Variants in SEC31A observed in about 807,000 individuals in gnomAD.
SEC31A encodes the protein SEC31 homolog A, COPII component, also known as protein transport protein Sec31A.
In SEC31A, 70 loss-of-function variants were observed where a neutral mutation model predicts 151.0. The ratio of observed to expected loss-of-function variants is 0.46; its 90% confidence interval spans 0.38 to 0.57. The LOEUF (loss-of-function observed/expected upper bound fraction) is 0.57. Ranked by LOEUF, SEC31A falls within the 20% of genes least tolerant of loss-of-function variation. The pLI, the probability that SEC31A is intolerant of heterozygous loss-of-function variation, is 0.00. For synonymous variants in SEC31A, 475 were observed against 505.9 expected, an observed-to-expected ratio of 0.94 and a Z score of 0.82; for missense variants, 1,330 against 1,471.2, an observed-to-expected ratio of 0.90 and a Z score of 1.57.
rs1035022089 is a variant in SEC31A at position 82,881,787 on chromosome 4, A to C, written c.79+71T>G. The C allele has an allele frequency of 5.0e-6, 6 of 1,194,252 alleles. No individual in the cohort carries two copies. The Middle Eastern group carries it at 5.8e-4, about 116-fold the overall frequency. 74.0% of individuals were successfully genotyped at this position (1,194,252 alleles called of 1,614,324 possible). On this transcript the variant is annotated intron_variant, in intron 2 of 26. Coordinates refer to ENST00000395310, the MANE Select transcript of SEC31A (RefSeq NM_001077207.4). The stretch of plus-strand genomic sequence containing the variant: ...AGGCTTTCTAGAGAAGATAAAGCTT[A>C]AACTGAATAAGCTAGGTGCAGAAGA...
chr4:82,875,593 A>T, intron 5 of SEC31A, 134 bp downstream of exon 5: 1 of 621,134 alleles, frequency 1.6e-6, no homozygotes, highest in South Asian at 2.0e-5. Flanking sequence ...TACTGAAGAA[A>T]AATCAGTAAT....
chr4:82,883,579 C>T (rs1018176787), intron 1 of SEC31A, among the ~76,000 whole-genome samples: 2 of 152,118 alleles, frequency 1.3e-5, no homozygotes, highest in Non-Finnish European at 2.9e-5. Context: ...CCTGTAAGCC[C>T]AGCACTTTAG....
In SEC31A at chr4:82,898,319, A is replaced by G. The variant is rs1412408446; in HGVS notation, c.-2+1394T>C. ...CACAACAACAAAAAAAGTATAGATA[A>G]GTTATAAACAAATGTAAAGATACAA... On this transcript the variant is annotated intron_variant, in intron 3 of 28. Coordinates refer to the SEC31A transcript ENST00000355196. Among the ~76,000 whole-genome samples, 4 of 152,388 alleles carry G rather than the reference A, an allele frequency of 2.6e-5. No homozygotes were observed. In the East Asian group the frequency reaches 7.7e-4, roughly 29 times the overall value.
chr4:82,860,084 G>A (rs1191061332), intron 14 of SEC31A, among the ~76,000 whole-genome samples: 4 of 151,926 alleles, frequency 2.6e-5, no homozygotes, highest in Admixed American at 6.6e-5. Flanking sequence ...GAGCCACTGC[G>A]CCTGGCCACT....
chr4:82,854,136 G>A (rs1578239589), intron 17 of SEC31A, among the ~76,000 whole-genome samples: 1 of 152,282 alleles, frequency 6.6e-6, no homozygotes, highest in African/African-American at 2.4e-5. Context: ...GGCTGAGACG[G>A]GCAGATCAGC....
intron 1 of SEC31A, among the ~76,000 whole-genome samples, chr4:82,888,291 G>C (rs1181981937): frequency 7.5e-6 from 1 of 134,104 alleles, no homozygotes; most frequent in Non-Finnish European, 1.5e-5. Context: ...CAGAAGAATC[G>C]CTTGAACCCG....
intron 20 of SEC31A, among the ~76,000 whole-genome samples, chr4:82,845,580 G>C (rs920039416): frequency 1.3e-5 from 2 of 151,800 alleles, no homozygotes; most frequent in East Asian, 3.9e-4. Flanking sequence ...TGCCATTCAA[G>C]TGTCAATTAT....
At chr4:82,856,828 G>T in intron 16 of SEC31A, 124 bp downstream of exon 16, 1 of 793,458 alleles carries the variant, frequency 1.3e-6, no homozygotes, top group Non-Finnish European at 1.9e-6. Context: ...CCAGGTCAAG[G>T]AATTATGAAT....
chr4:82,824,555 A>G lies in SEC31A; in HGVS notation c.3411T>C (p.Pro1137=), dbSNP rs1560579928. The change falls in exon 25 of 27, where the codon CCT becomes CCC. Residue 1137 remains proline (P), a splice_region_variant and synonymous_variant. Transcript: ENST00000395310. The part of the protein sequence containing the change: ...IQRCLSSATD[P]QTKRKLDDAS... ...ATGATTTAAAAAAATAAATACATACAGGGTCTGTTGCTGAAGAAAGGCAGC... is the reference window on the plus strand; with the variant it reads ...ATGATTTAAAAAAATAAATACATACGGGGTCTGTTGCTGAAGAAAGGCAGC... 1 of 1,611,876 alleles carries G rather than the reference A, an allele frequency of 6.2e-7. No homozygotes were observed. Among genetic ancestry groups the G allele is most frequent in the Non-Finnish European group, 8.5e-7 (1 of 1,179,428 alleles).
At position 82,864,561 on chromosome 4, in the gene SEC31A, A is replaced by G; in HGVS notation, c.1235T>C (p.Met412Thr). ...CTGCTCAGCTCCCTGATGAGAAGGCATTCTGACATTCTCAAACGTAACCAG... is the reference window on the plus strand; with the variant it reads ...CTGCTCAGCTCCCTGATGAGAAGGCGTTCTGACATTCTCAAACGTAACCAG... The part of the protein sequence containing the change: ...GKLVTFENVR[M>T]PSHQGAEQQQ... The change falls in exon 11 of 27, where the codon ATG becomes ACG. Residue 412 changes from methionine to threonine, a missense_variant. Physicochemically the swap from Met to Thr is moderately conservative, Grantham distance 81 (BLOSUM62 -1). Coordinates refer to ENST00000395310, the MANE Select transcript of SEC31A (RefSeq NM_001077207.4). The G allele has an allele frequency of 6.2e-7, 1 of 1,614,092 alleles. No individual in the cohort carries two copies. Among genetic ancestry groups the G allele is most frequent in the Non-Finnish European group, 8.5e-7 (1 of 1,180,010 alleles).
At chr4:82,894,330 A>G (rs553086170), upstream of SEC31A, 55 of 152,152 alleles carry the variant, frequency 3.6e-4, no homozygotes, top group African/African-American at 1.3e-3. Context: ...TCCTGTTACA[A>G]TTTTTCAATG....
intron 10 of SEC31A, among the ~76,000 whole-genome samples, chr4:82,865,944 A>C (rs2149531972): frequency 6.6e-6 from 1 of 152,156 alleles, no homozygotes; most frequent in African/African-American, 2.4e-5. Context: ...TAAGATAGTA[A>C]ATTTTATATT....
intron 1 of SEC31A, 134 bp downstream of exon 1, chr4:82,890,954 C>T: frequency 6.9e-7 from 1 of 1,445,600 alleles, no homozygotes; most frequent in Non-Finnish European, 9.1e-7. Context: ...ACTAGGGGCG[C>T]GCCGTCACCA....
chr4:82,828,962 C>T, intron 23 of SEC31A, 38 bp downstream of exon 23: 5 of 1,556,550 alleles, frequency 3.2e-6, no homozygotes, highest in Non-Finnish European at 4.4e-6. Flanking sequence ...GTTAACATAA[C>T]ATCTGTAGGC....
chr4:82,867,333 C>T lies in SEC31A; in HGVS notation c.883-17G>A. On this transcript the variant is annotated splice_polypyrimidine_tract_variant and intron_variant, in intron 8 of 26. Coordinates refer to ENST00000395310, the MANE Select transcript of SEC31A (RefSeq NM_001077207.4). ...ATATAACACCTAGGCCAACAAAAAACAAACAACAAAACTCAGAAAATGGTA... is the reference window on the plus strand; with the variant it reads ...ATATAACACCTAGGCCAACAAAAAATAAACAACAAAACTCAGAAAATGGTA... The T allele has an allele frequency of 6.2e-7, 1 of 1,609,916 alleles. No homozygotes were observed. The highest frequency in any genetic ancestry group is 1.7e-4 in the Middle Eastern group (1 of 6,036).
At chr4:82,846,328 T>C (rs1730168862) in intron 20 of SEC31A, among the ~76,000 whole-genome samples, 1 of 149,794 alleles carries the variant, frequency 6.7e-6, no homozygotes, top group South Asian at 2.1e-4. Context: ...GCCATCAAAA[T>C]CCTTTTTGTC....
At chr4:82,823,761 A>G (rs1723940071) in intron 25 of SEC31A, among the ~76,000 whole-genome samples, 1 of 152,268 alleles carries the variant, frequency 6.6e-6, no homozygotes, top group Admixed American at 6.5e-5. Context: ...GCAAAGCTTT[A>G]GAAGATGATC....
chr4:82,855,261 G>A (rs1467290749), intron 16 of SEC31A, among the ~76,000 whole-genome samples: 1 of 152,202 alleles, frequency 6.6e-6, no homozygotes, highest in Non-Finnish European at 1.5e-5. Flanking sequence ...AATATAAGGT[G>A]CTATCAGAAC....
chr4:82,877,289 A>G (rs1738178966), intron 4 of SEC31A, among the ~76,000 whole-genome samples: 1 of 152,062 alleles, frequency 6.6e-6, no homozygotes, highest in East Asian at 1.9e-4. Context: ...CTATACCCTA[A>G]GTATCTATTT....
Sources: gnomAD v4.1 joint callset for allele counts (sites outside exome capture counted in the v4.1 genomes callset) on GRCh38, gnomAD v4.1.1 for gene constraint, MANE v1.5 for transcripts, NCBI Gene and HGNC (gene_info 2026-07-23, HGNC 2026-07-21) for gene names.